TCF12: variants seen among roughly 807,000 people sequenced by gnomAD.
The protein encoded by TCF12 is DNA-binding protein HTF4.
In TCF12, 45 loss-of-function variants were observed where a neutral mutation model predicts 86.0. The observed-to-expected ratio is 0.52, with a 90% confidence interval of 0.41 to 0.67. TCF12 has a LOEUF of 0.67. TCF12 is among the 30% of genes least tolerant of loss of function. The pLI is 0.00. For missense variants in TCF12, 881 were observed against 859.9 expected (o/e 1.02, Z -0.31); for synonymous variants, 330 against 299.6 (o/e 1.10, Z -1.05).
chr15:56,995,142 A>G (rs1156549351), intron 3 of TCF12, among the ~76,000 whole-genome samples: 1 of 150,608 alleles, frequency 6.6e-6, no homozygotes, highest in Non-Finnish European at 1.5e-5. Flanking sequence ...TAGAATTACA[A>G]TGGATAAATT....
At chr15:56,919,646 C>T (rs1349452415) in intron 1 of TCF12, 3 of 320,746 alleles carry the variant, frequency 9.4e-6, no homozygotes, top group Non-Finnish European at 1.8e-5. Flanking sequence ...GGGGGAGAGG[C>T]GGCGAGTTGC....
At chr15:56,969,019 A>G (rs1180001506) in intron 3 of TCF12, among the ~76,000 whole-genome samples, 2 of 152,200 alleles carry the variant, frequency 1.3e-5, no homozygotes, top group African/African-American at 2.4e-5. Flanking sequence ...TTCATAAACA[A>G]TAGGGCAGAG....
intron 3 of TCF12, among the ~76,000 whole-genome samples, chr15:56,970,079 T>C (rs1464322420): frequency 1.3e-5 from 2 of 152,212 alleles, no homozygotes; most frequent in Admixed American, 6.5e-5. Flanking sequence ...ACTAGTGGAA[T>C]AGAACTAAGG....
At chr15:57,273,807 A>G (rs1171549388) in intron 19 of TCF12, among the ~76,000 whole-genome samples, 1 of 152,164 alleles carries the variant, frequency 6.6e-6, no homozygotes, top group Admixed American at 6.5e-5. Context: ...TTTTTGGGCT[A>G]ACATACATCG....
rs573758450 is a variant in TCF12 at position 57,113,964 on chromosome 15, G to GA, written c.325+22081dup. Reference sequence around the variant, plus strand: ...GAGTGAGACCCTGTCTCAAAAAGAAGAAAAAAAATAGTAAATTTAGAGATG... The same window carrying GA: ...GAGTGAGACCCTGTCTCAAAAAGAAGAAAAAAAAATAGTAAATTTAGAGATG... On this transcript the variant is annotated intron_variant, in intron 5 of 20. Transcript: ENST00000333725. Among the ~76,000 whole-genome samples, 16 of 151,148 alleles carry GA rather than the reference G, an allele frequency of 1.1e-4. 1 individual carries two copies. The South Asian group carries it at 3.2e-3, about 30-fold the overall frequency.
intron 3 of TCF12, among the ~76,000 whole-genome samples, chr15:57,009,102 G>A (rs955300462): frequency 1.8e-4 from 27 of 152,094 alleles, no homozygotes; most frequent in Middle Eastern, 3.4e-3. Flanking sequence ...ATGAAAATTT[G>A]GTCCTGCTTT....
intron 3 of TCF12, among the ~76,000 whole-genome samples, chr15:57,024,114 A>G (rs2065666651): frequency 6.6e-6 from 1 of 152,262 alleles, no homozygotes; most frequent in South Asian, 2.1e-4. Context: ...CCCTGCTTTA[A>G]AGAAGCAAGA....
In TCF12 at chr15:57,286,544, T is replaced by C; in HGVS notation, c.*399T>C. 1 of 437,666 alleles carries C rather than the reference T, an allele frequency of 2.3e-6. No individual in the cohort carries two copies. The highest frequency in any genetic ancestry group is 1.6e-5 in the South Asian group (1 of 60,862). The allele number at this position is 437,666 out of a possible 1,614,324, so 27.1% of individuals were successfully genotyped here. On this transcript the variant is annotated 3_prime_UTR_variant, in exon 21 of 21. Transcript: ENST00000333725. ...GTTATGAAACTGTAAGGTCTACATA[T>C]AAAGGGAAAAAGTTAATGTGGAAAG...
chr15:57,117,928 AG>A (rs142759762), intron 5 of TCF12, among the ~76,000 whole-genome samples: 30 of 151,894 alleles, frequency 2.0e-4, no homozygotes, highest in South Asian at 4.2e-4. Flanking sequence ...TAGAAATATA[AG>A]GGGGGGGAAG....
chr15:57,286,532 A>G lies in TCF12; in HGVS notation c.*387A>G, dbSNP rs2061939188. On this transcript the variant is annotated 3_prime_UTR_variant, in exon 21 of 21. Coordinates refer to ENST00000333725, the MANE Select transcript of TCF12 (RefSeq NM_207037.2). The stretch of plus-strand genomic sequence containing the variant: ...ATTTTATTTATTGTTATGAAACTGT[A>G]AGGTCTACATATAAAGGGAAAAAGT... The G allele has an allele frequency of 2.4e-6, 1 of 415,660 alleles. No individual in the cohort carries two copies. The highest frequency in any genetic ancestry group is 4.8e-6 in the Non-Finnish European group (1 of 209,918). 25.7% of individuals were successfully genotyped at this position (415,660 alleles called of 1,614,324 possible). A position where few individuals can be genotyped will look rare whatever the true frequency, so the allele number is the denominator to read the frequency against.
chr15:57,265,999 T>C (rs1264772190), intron 18 of TCF12, among the ~76,000 whole-genome samples: 1 of 152,196 alleles, frequency 6.6e-6, no homozygotes, highest in Non-Finnish European at 1.5e-5. Flanking sequence ...ATATAAGGGC[T>C]AAATATATGG....
chr15:57,074,691 A>AT (rs1213772300), intron 4 of TCF12, among the ~76,000 whole-genome samples: 1 of 152,228 alleles, frequency 6.6e-6, no homozygotes, highest in African/African-American at 2.4e-5. Context: ...AGTTCACTGT[A>AT]TTGCAGGTCT....
chr15:57,055,627 G>A (rs1171401588), intron 3 of TCF12, among the ~76,000 whole-genome samples: 1 of 151,644 alleles, frequency 6.6e-6, no homozygotes, highest in Non-Finnish European at 1.5e-5. Context: ...TTTCACATCT[G>A]CTGGCATTCA....
intron 8 of TCF12, among the ~76,000 whole-genome samples, chr15:57,208,626 C>G (rs2151806152): frequency 6.6e-6 from 1 of 152,022 alleles, no homozygotes; most frequent in African/African-American, 2.4e-5. Flanking sequence ...CTCAAGCGAT[C>G]CACCCACCTT....
chr15:56,966,125 C>T (rs2061990157), intron 3 of TCF12, among the ~76,000 whole-genome samples: 1 of 152,024 alleles, frequency 6.6e-6, no homozygotes, highest in African/African-American at 2.4e-5. Context: ...CACTAGTGTG[C>T]ATTTATATGT....
intron 8 of TCF12, among the ~76,000 whole-genome samples, chr15:57,220,467 G>C (rs894065580): frequency 6.6e-6 from 1 of 152,144 alleles, no homozygotes; most frequent in Admixed American, 6.5e-5. Context: ...TTTTGACCTT[G>C]TGTGGATTCA....
At chr15:57,180,874 G>A (rs1008426546) in intron 6 of TCF12, among the ~76,000 whole-genome samples, 4 of 136,824 alleles carry the variant, frequency 2.9e-5, no homozygotes, top group Non-Finnish European at 6.0e-5. Flanking sequence ...GAGTGCAGTG[G>A]TGTGATCTCG....
intron 3 of TCF12, among the ~76,000 whole-genome samples, chr15:57,005,521 C>T (rs1039667110): frequency 2.6e-5 from 4 of 152,116 alleles, no homozygotes; most frequent in Admixed American, 6.6e-5. Flanking sequence ...CTCTATATAA[C>T]AGTTTTTGAG....
intron 3 of TCF12, among the ~76,000 whole-genome samples, chr15:56,968,043 G>A (rs28493156): frequency 0.017 from 2,618 of 152,118 alleles, 83 homozygotes; most frequent in African/African-American, 0.056. Flanking sequence ...TGCAACCTCC[G>A]CCTCCCAGGT....
Sources: allele counts gnomAD v4.1 joint callset (sites outside exome capture counted in the v4.1 genomes callset), GRCh38; gene constraint gnomAD v4.1.1; transcripts MANE v1.5; gene names NCBI Gene and HGNC (gene_info 2026-07-23, HGNC 2026-07-21).